MYT1L: variants seen among roughly 807,000 people sequenced by gnomAD.
MYT1L encodes the protein myelin transcription factor 1-like protein.
A neutral mutation model predicts 126.7 loss-of-function variants in MYT1L; 12 were observed. The ratio of observed to expected loss-of-function variants is 0.09; its 90% CI spans 0.06 to 0.15. MYT1L has a LOEUF of 0.15. MYT1L is among the 10% of genes least tolerant of loss of function. The pLI, the probability that MYT1L is intolerant of heterozygous loss-of-function variation, is 1.00. For synonymous variants in MYT1L, 541 were observed against 604.2 expected, an observed-to-expected ratio of 0.90 and a Z score of 1.53; for missense variants, 979 against 1,585.2, an observed-to-expected ratio of 0.62 and a Z score of 6.49.
intron 8 of MYT1L, among the ~76,000 whole-genome samples, chr2:1,968,283 C>T (rs2059535910): frequency 8.8e-6 from 1 of 113,506 alleles, no homozygotes. Flanking sequence ...TTCCTGGCTC[C>T]CCAGAGCGTC....
At chr2:1,846,907 C>T (rs1028072189) in intron 19 of MYT1L, among the ~76,000 whole-genome samples, 2 of 152,208 alleles carry the variant, frequency 1.3e-5, no homozygotes, top group South Asian at 4.1e-4. Flanking sequence ...CTGAGACTCT[C>T]CAAGGCAGAC....
At chr2:2,170,093 T>C (rs539979055) in intron 3 of MYT1L, among the ~76,000 whole-genome samples, 63 of 152,322 alleles carry the variant, frequency 4.1e-4, no homozygotes, top group African/African-American at 1.3e-3. Flanking sequence ...CCACCCTGGG[T>C]ACCACGCTCA....
At chr2:2,078,272 A>C (rs908044019) in intron 3 of MYT1L, among the ~76,000 whole-genome samples, 1 of 152,190 alleles carries the variant, frequency 6.6e-6, no homozygotes, top group Non-Finnish European at 1.5e-5. Flanking sequence ...AGGGAAATAG[A>C]GGAATAAAGC....
chr2:1,989,434 A>C (rs1311096379), intron 5 of MYT1L, among the ~76,000 whole-genome samples: 1 of 152,142 alleles, frequency 6.6e-6, no homozygotes, highest in Non-Finnish European at 1.5e-5. Context: ...AGTGCACCCT[A>C]CATCTTCTCA....
At chr2:2,280,209 C>T (rs1183838577) in intron 2 of MYT1L, among the ~76,000 whole-genome samples, 1 of 152,158 alleles carries the variant, frequency 6.6e-6, no homozygotes. Flanking sequence ...ATATACTATT[C>T]CTGCTTATAT....
At chr2:2,265,370 T>C (rs2095100734) in intron 2 of MYT1L, among the ~76,000 whole-genome samples, 1 of 152,064 alleles carries the variant, frequency 6.6e-6, no homozygotes, top group Non-Finnish European at 1.5e-5. Flanking sequence ...AAGGTTGTCA[T>C]TAGAGTTAAA....
rs148214693 is a variant in MYT1L, at chr2:1,865,782, G to A, written c.2712-14079C>T. ...TTAGTACATGCTCAGTACACAAGGC[G>A]CGTGGTGGGTTAGACGACCCCATGA... On this transcript the variant is annotated intron_variant, in intron 18 of 24. Transcript: ENST00000647738. 8.1e-3 allele frequency among the ~76,000 whole-genome samples: 1,237 copies of A among 152,172 alleles called. 13 individuals carry two copies. The highest frequency in any genetic ancestry group is 0.011 in the Non-Finnish European group (730 of 68,000).
At chr2:2,102,719 T>C (rs1559016830) in intron 3 of MYT1L, among the ~76,000 whole-genome samples, 1 of 151,500 alleles carries the variant, frequency 6.6e-6, no homozygotes, top group Non-Finnish European at 1.5e-5. Flanking sequence ...AAGCACTGAG[T>C]GCTGGATGGG....
In MYT1L at chr2:1,878,592, T is replaced by C. The variant is rs191431098; in HGVS notation, c.2711+7947A>G. ...ATGTGGGCATTTAAGTTTGAATTAA[T>C]GAAGATGAAATACGATCAAGAATGC... On this transcript the variant is annotated intron_variant, in intron 18 of 24. Transcript: ENST00000647738. 2.6e-4 allele frequency among the ~76,000 whole-genome samples: 39 copies of C among 152,316 alleles called. No individual in the cohort carries two copies. In the East Asian group the frequency reaches 7.5e-3, roughly 29 times the overall value.
At position 1,929,342 on chromosome 2, in the gene MYT1L, A is replaced by G. The variant is rs1302791787; in HGVS notation, c.506-6079T>C. On this transcript the variant is annotated intron_variant, in intron 9 of 24. Transcript: ENST00000647738. This position sits in a 1 kb window ranked among gnomAD's most constrained non-coding sequence, Gnocchi z 4.7. ...CCCTCCTCTGCCTCCCTCATCCTCT[A>G]CTGCCAGTGAGGCCCTTCACTAGAA... Among the ~76,000 whole-genome samples the G allele has an allele frequency of 6.6e-6, 1 of 151,854 alleles. No individual in the cohort carries two copies.
intron 1 of MYT1L, among the ~76,000 whole-genome samples, chr2:2,318,077 C>T (rs568832840): frequency 6.6e-6 from 1 of 152,302 alleles, no homozygotes; most frequent in African/African-American, 2.4e-5. Context: ...AATCAGCAAG[C>T]CTCACACTTC....
chr2:2,181,760 G>T (rs1268778898), intron 2 of MYT1L, among the ~76,000 whole-genome samples: 2 of 152,154 alleles, frequency 1.3e-5, no homozygotes, highest in Middle Eastern at 3.2e-3. Flanking sequence ...CGAGAAGTGA[G>T]ATTCATCTGC....
intron 3 of MYT1L, among the ~76,000 whole-genome samples, chr2:2,114,017 A>G (rs1033880009): frequency 4.6e-5 from 7 of 152,208 alleles, no homozygotes; most frequent in Non-Finnish European, 7.3e-5. Context: ...TGAAAACATT[A>G]CTGCCTCCAT....
chr2:2,240,591 A>G (rs907105217), intron 2 of MYT1L, among the ~76,000 whole-genome samples: 1 of 152,206 alleles, frequency 6.6e-6, no homozygotes, highest in Non-Finnish European at 1.5e-5. Flanking sequence ...CCTTTGTCTA[A>G]GTCTCCCTAA....
At chr2:1,896,979 A>C (rs2049671886) in intron 14 of MYT1L, among the ~76,000 whole-genome samples, 1 of 152,194 alleles carries the variant, frequency 6.6e-6, no homozygotes, top group Non-Finnish European at 1.5e-5. Context: ...AATTCATAAG[A>C]TGCTACAACT....
chr2:2,105,402 T>C (rs1406272032), intron 3 of MYT1L, among the ~76,000 whole-genome samples: 3 of 152,234 alleles, frequency 2.0e-5, no homozygotes, highest in African/African-American at 7.2e-5. Flanking sequence ...CAGACTGTTC[T>C]AGAATGAGTG....
At chr2:1,795,919 T>C (rs7588942) in intron 23 of MYT1L, among the ~76,000 whole-genome samples, 83,421 of 152,008 alleles carry the variant, frequency 0.55, 23,133 homozygotes, top group South Asian at 0.65. Context: ...TCAGCGTTTC[T>C]TAGATTGCGC....
chr2:2,226,993 A>T (rs760134440), intron 2 of MYT1L, among the ~76,000 whole-genome samples: 24 of 152,188 alleles, frequency 1.6e-4, no homozygotes, highest in Non-Finnish European at 3.2e-4. Context: ...ATGACTTTTG[A>T]ACAATAGGGA....
chr2:2,225,257 A>C (rs1021186862), intron 2 of MYT1L, among the ~76,000 whole-genome samples: 6 of 152,130 alleles, frequency 3.9e-5, no homozygotes, highest in Non-Finnish European at 7.4e-5. Flanking sequence ...CAGTCTCTGC[A>C]ACACTGCAAA....
Sources: gnomAD v4.1 joint callset for allele counts (sites outside exome capture counted in the v4.1 genomes callset) on GRCh38, gnomAD v4.1.1 for gene constraint, Gnocchi (gnomAD v3.1) non-coding constraint, MANE v1.5 for transcripts, NCBI Gene and HGNC (gene_info 2026-07-23, HGNC 2026-07-21) for gene names.